Variants in PLCXD3 observed in about 807,000 individuals in gnomAD.
The protein encoded by PLCXD3 is phosphatidylinositol specific phospholipase C X domain containing 3, also known as PI-PLC X domain-containing protein 3.
PLCXD3 carries 19 observed loss-of-function variants against 25.5 expected under a neutral mutation model. The observed-to-expected ratio is 0.75, with a 90% CI of 0.52 to 1.09. The LOEUF is 1.09. Ranked by LOEUF, PLCXD3 falls within the 50% of genes least tolerant of loss-of-function variation. The probability of loss-of-function intolerance (pLI) is 0.00; values close to 1 mark genes in which losing one functional copy is unlikely to be tolerated. For synonymous variants in PLCXD3, 174 were observed against 137.6 expected (o/e 1.26, Z -1.85); for missense variants, 411 against 388.1 (o/e 1.06, Z -0.50).
At chr5:41,330,365 C>G (rs1055418768) in intron 2 of PLCXD3, among the ~76,000 whole-genome samples, 5 of 152,062 alleles carry the variant, frequency 3.3e-5, no homozygotes, top group Non-Finnish European at 7.4e-5. Context: ...ATAAATTCCT[C>G]GACACATACG....
intron 1 of PLCXD3, among the ~76,000 whole-genome samples, chr5:41,407,377 C>T (rs1746383044): frequency 6.6e-6 from 1 of 152,114 alleles, no homozygotes; most frequent in Non-Finnish European, 1.5e-5. Flanking sequence ...TGATGATCAA[C>T]ATGACAAGAA....
In PLCXD3 at chr5:41,422,472, A is replaced by C. The variant is rs189954450; in HGVS notation, c.104-39938T>G. On this transcript the variant is annotated intron_variant, in intron 1 of 2. Transcript: ENST00000377801. The stretch of plus-strand genomic sequence containing the variant: ...CCTTCCTTTTTACTACCTTAGTCCA[A>C]ATTGCCTTGGCCAATCTTGGAGTTT... Among the ~76,000 whole-genome samples the C allele has an allele frequency of 2.0e-5, 3 of 152,290 alleles. No homozygotes were observed. In the East Asian group the frequency reaches 5.8e-4, roughly 29 times the overall value.
chr5:41,312,552 TCCCTC>T lies in PLCXD3; in HGVS notation c.*1060_*1064del, dbSNP rs1276644490. 5 of 151,882 alleles carry T rather than the reference TCCCTC, an allele frequency of 3.3e-5. No homozygotes were observed. The highest frequency in any genetic ancestry group is 1.2e-4 in the African/African-American group (5 of 41,260). 9.4% of individuals were successfully genotyped at this position (151,882 alleles called of 1,614,324 possible). ...TTTTTCTTCTTCCTTCCTCTCTTCC[TCCCTC>T]CCTCCCTCTCTTCCTCCCTCCCTCC... On this transcript the variant is annotated 3_prime_UTR_variant, in exon 3 of 3. Transcript: ENST00000377801.
intron 1 of PLCXD3, among the ~76,000 whole-genome samples, chr5:41,420,596 C>G (rs1746795978): frequency 6.6e-6 from 1 of 152,226 alleles, no homozygotes; most frequent in Admixed American, 6.5e-5. Context: ...TTACATCTCT[C>G]AGACTGGGCT....
intron 2 of PLCXD3, among the ~76,000 whole-genome samples, chr5:41,315,202 A>C (rs1039010342): frequency 6.6e-6 from 1 of 152,176 alleles, no homozygotes; most frequent in African/African-American, 2.4e-5. Context: ...TCAGGGCAGG[A>C]AGGGAAGTTT....
At chr5:41,371,705 C>G (rs1004419714) in intron 2 of PLCXD3, among the ~76,000 whole-genome samples, 2 of 152,070 alleles carry the variant, frequency 1.3e-5, no homozygotes, top group Non-Finnish European at 1.5e-5. Flanking sequence ...ATGTTTGTGC[C>G]TGGGGATCTT....
At chr5:41,335,855 CAT>C (rs1273026900) in intron 2 of PLCXD3, among the ~76,000 whole-genome samples, 1 of 152,072 alleles carries the variant, frequency 6.6e-6, no homozygotes, top group African/African-American at 2.4e-5. Flanking sequence ...TGCATGGAAA[CAT>C]AGGAAAAGGA....
At chr5:41,356,339 C>A (rs1744616858) in intron 2 of PLCXD3, among the ~76,000 whole-genome samples, 1 of 152,096 alleles carries the variant, frequency 6.6e-6, no homozygotes, top group African/African-American at 2.4e-5. Context: ...ATAACTGTTA[C>A]CAAGAGTTGG....
At position 41,313,565 on chromosome 5, in the gene PLCXD3, CT is replaced by C. The variant is rs1243394198; in HGVS notation, c.*51del. The stretch of plus-strand genomic sequence containing the variant: ...TCAGAGTGTTTACAGATAGTATGCC[CT>C]AATACAATGAGCTTTCTCCATCTTA... On this transcript the variant is annotated 3_prime_UTR_variant, in exon 3 of 3. Coordinates refer to ENST00000377801, the MANE Select transcript of PLCXD3 (RefSeq NM_001005473.3). The C allele has an allele frequency of 1.9e-6, 3 of 1,603,680 alleles. No individual in the cohort carries two copies. Among genetic ancestry groups the C allele is most frequent in the Non-Finnish European group, 2.6e-6 (3 of 1,171,156 alleles).
intron 2 of PLCXD3, among the ~76,000 whole-genome samples, chr5:41,379,618 CA>C (rs1745395436): frequency 6.6e-6 from 1 of 152,004 alleles, no homozygotes; most frequent in African/African-American, 2.4e-5. Flanking sequence ...TAGATGTTGT[CA>C]GGGGCTGTTA....
chr5:41,501,774 C>T (rs953081385), intron 1 of PLCXD3, among the ~76,000 whole-genome samples: 4 of 151,994 alleles, frequency 2.6e-5, no homozygotes, highest in African/African-American at 9.7e-5. Flanking sequence ...AGAGGTGTGG[C>T]GAACCACATC....
Position 41,379,112 on chromosome 5 carries a change from G to A in PLCXD3, c.812+2714C>T, listed in dbSNP as rs549369702. ...CTTGCATCATGCCCAAAATGTAAAA[G>A]TTAAAAATGAAGCTTCTTTCATTCA... On this transcript the variant is annotated intron_variant, in intron 2 of 2. Coordinates refer to ENST00000377801, the MANE Select transcript of PLCXD3 (RefSeq NM_001005473.3). Among the ~76,000 whole-genome samples, 7 of 152,200 alleles carry A rather than the reference G, an allele frequency of 4.6e-5. No homozygotes were observed. In the South Asian group the frequency reaches 1.4e-3, roughly 32 times the overall value.
intron 1 of PLCXD3, among the ~76,000 whole-genome samples, chr5:41,491,387 G>A (rs1385574541): frequency 1.3e-5 from 2 of 152,210 alleles, no homozygotes; most frequent in African/African-American, 2.4e-5. Flanking sequence ...GTGTGGTGTG[G>A]TGCTGAAAAG....
At chr5:41,453,482 A>G (rs1489898535) in intron 1 of PLCXD3, among the ~76,000 whole-genome samples, 1 of 151,854 alleles carries the variant, frequency 6.6e-6, no homozygotes, top group Non-Finnish European at 1.5e-5. Flanking sequence ...TGATACAAGA[A>G]TAGGCAGATG....
intron 1 of PLCXD3, among the ~76,000 whole-genome samples, chr5:41,402,127 C>T (rs75138111): frequency 6.6e-6 from 1 of 151,474 alleles, no homozygotes; most frequent in Admixed American, 6.6e-5. Context: ...TTTCAAATTG[C>T]TTTTGGTTTA....
intron 2 of PLCXD3, among the ~76,000 whole-genome samples, chr5:41,340,411 G>C (rs146072722): frequency 1.3e-5 from 2 of 152,108 alleles, no homozygotes; most frequent in South Asian, 2.1e-4. Context: ...AATGCCATGC[G>C]TTCTCAGTTT....
intron 1 of PLCXD3, among the ~76,000 whole-genome samples, chr5:41,438,265 C>T (rs1395209533): frequency 6.6e-6 from 1 of 152,134 alleles, no homozygotes; most frequent in Non-Finnish European, 1.5e-5. Flanking sequence ...AATCAATTTT[C>T]CTTAGTTAAT....
intron 1 of PLCXD3, among the ~76,000 whole-genome samples, chr5:41,479,368 G>C (rs929757097): frequency 2.0e-5 from 3 of 152,134 alleles, no homozygotes; most frequent in African/African-American, 7.2e-5. Context: ...GATTGGTATA[G>C]AGTTTTAGTT....
intron 2 of PLCXD3, among the ~76,000 whole-genome samples, chr5:41,348,301 G>A (rs890633541): frequency 3.3e-5 from 5 of 152,066 alleles, no homozygotes; most frequent in East Asian, 1.9e-4. Context: ...TAGTAATTGC[G>A]CAAAGGTAGG....
Sources: gnomAD v4.1 joint callset for allele counts (sites outside exome capture counted in the v4.1 genomes callset) on GRCh38, gnomAD v4.1.1 for gene constraint, MANE v1.5 for transcripts, NCBI Gene and HGNC (gene_info 2026-07-23, HGNC 2026-07-21) for gene names.